Variants in USP15 observed in about 807,000 individuals in gnomAD.
The protein encoded by USP15 is ubiquitin carboxyl-terminal hydrolase 15.
A neutral mutation model predicts 127.1 loss-of-function variants in USP15; 18 were observed. The ratio of observed to expected loss-of-function variants is 0.14; its 90% CI spans 0.10 to 0.21. USP15 has a LOEUF of 0.21. USP15 is among the 10% of genes least tolerant of loss of function. The pLI is 1.00. For synonymous variants in USP15, 364 were observed against 393.7 expected (o/e 0.92, Z 0.89); for missense variants, 805 against 1,159.9 (o/e 0.69, Z 4.44).
intron 20 of USP15, 86 bp from the exon 21 acceptor site, chr12:62,401,101 T>G: frequency 2.5e-6 from 2 of 797,812 alleles, no homozygotes; most frequent in Non-Finnish European, 4.0e-6. Flanking sequence ...TAATAGATAT[T>G]CCTTATATAG....
chr12:62,294,256 G>A lies in USP15; in HGVS notation c.167G>A (p.Gly56Glu). 1 of 1,613,670 alleles carries A rather than the reference G, an allele frequency of 6.2e-7. No homozygotes were observed. The highest frequency in any genetic ancestry group is 8.5e-7 in the Non-Finnish European group (1 of 1,179,768). Residue 56 changes from glycine to glutamate, a missense_variant, in exon 2 of 22, where the codon GGA becomes GAA. Transcript: ENST00000280377. ...GACAGTTGGGACAAATACCAGATGGGAGATCAAAATGTGTATCCTGGACCC... is the reference window on the plus strand; with the variant it reads ...GACAGTTGGGACAAATACCAGATGGAAGATCAAAATGTGTATCCTGGACCC... ...GFDSWDKYQMGDQNVYPGPID... is the reference protein window; with the variant it reads ...GFDSWDKYQMEDQNVYPGPID...
intron 20 of USP15, among the ~76,000 whole-genome samples, chr12:62,397,462 C>G (rs1413922395): frequency 6.6e-6 from 1 of 152,022 alleles, no homozygotes; most frequent in Non-Finnish European, 1.5e-5. Context: ...AAAAATGTAT[C>G]CATTTCATTT....
intron 8 of USP15, among the ~76,000 whole-genome samples, chr12:62,379,849 C>G (rs1390938487): frequency 6.6e-6 from 1 of 151,932 alleles, no homozygotes; most frequent in Non-Finnish European, 1.5e-5. Context: ...GCCTGGATCT[C>G]CCTTTAGTGC....
At position 62,391,842 on chromosome 12, in the gene USP15, G is replaced by T; in HGVS notation, c.2260G>T (p.Asp754Tyr). 1 of 1,609,370 alleles carries T rather than the reference G, an allele frequency of 6.2e-7. No homozygotes were observed. The highest frequency in any genetic ancestry group is 8.5e-7 in the Non-Finnish European group (1 of 1,177,674). ...AAGATCTTTTCTTGCTTTGGATTGG[G>T]ATCCTGATTTGAAAAAAAGATATTT... is the stretch of plus-strand genomic sequence containing the variant. ...DERSFLALDWDPDLKKRYFDE... is the reference protein window; with the variant it reads ...DERSFLALDWYPDLKKRYFDE... The change falls in exon 17 of 22, where the codon GAT (aspartate) becomes TAT (tyrosine). Residue 754 changes from aspartate to tyrosine, a missense_variant. Physicochemically the swap from Asp to Tyr is radical, Grantham distance 160 (BLOSUM62 -3). Coordinates refer to ENST00000280377, the MANE Select transcript of USP15 (RefSeq NM_001252078.2).
intron 7 of USP15, among the ~76,000 whole-genome samples, chr12:62,351,379 A>C (rs896008389): frequency 3.3e-5 from 5 of 150,754 alleles, no homozygotes; most frequent in Non-Finnish European, 5.9e-5. Flanking sequence ...ATTTTTTCAT[A>C]CTAGATAAAA....
At chr12:62,317,893 G>A (rs957773308) in intron 4 of USP15, among the ~76,000 whole-genome samples, 2 of 152,210 alleles carry the variant, frequency 1.3e-5, no homozygotes, top group East Asian at 1.9e-4. Flanking sequence ...GCATGTTTAA[G>A]TAAGAGATAA....
chr12:62,384,418 C>A, intron 11 of USP15, 116 bp downstream of exon 11: 1 of 783,086 alleles, frequency 1.3e-6, no homozygotes, highest in Non-Finnish European at 1.9e-6. Context: ...ATTATCAAGC[C>A]CAATCAATAA....
At chr12:62,345,120 A>G (rs372620043) in intron 6 of USP15, among the ~76,000 whole-genome samples, 16 of 152,050 alleles carry the variant, frequency 1.1e-4, no homozygotes, top group South Asian at 2.1e-4. Context: ...TTTCTATTGC[A>G]TTGTCAGGCT....
chr12:62,283,982 C>G (rs923366093), intron 1 of USP15, among the ~76,000 whole-genome samples: 2 of 152,064 alleles, frequency 1.3e-5, no homozygotes, highest in African/African-American at 4.8e-5. Flanking sequence ...GCATCAACTA[C>G]AAGCAGTTAT....
intron 8 of USP15, among the ~76,000 whole-genome samples, chr12:62,357,080 G>A (rs560512868): frequency 2.6e-5 from 4 of 151,942 alleles, no homozygotes; most frequent in African/African-American, 9.6e-5. Flanking sequence ...AACCAATCTT[G>A]GTGCTTTTTC....
intron 7 of USP15, among the ~76,000 whole-genome samples, chr12:62,354,295 A>G (rs2066054162): frequency 6.6e-6 from 1 of 152,108 alleles, no homozygotes; most frequent in African/African-American, 2.4e-5. Flanking sequence ...AAGTAATACC[A>G]GGAATAAATT....
intron 8 of USP15, among the ~76,000 whole-genome samples, chr12:62,363,078 A>G (rs2066364799): frequency 6.6e-6 from 1 of 152,094 alleles, no homozygotes; most frequent in African/African-American, 2.4e-5. Context: ...TCATATAGGG[A>G]GAATTTAGAT....
intron 18 of USP15, 120 bp downstream of exon 18, chr12:62,392,507 A>T: frequency 4.4e-6 from 3 of 688,368 alleles, no homozygotes; most frequent in Non-Finnish European, 7.1e-6. Flanking sequence ...ATAGTAAAGG[A>T]TTCTTTATAT....
At position 62,401,371 on chromosome 12, in the gene USP15, A is replaced by G. The variant is rs1592741934; in HGVS notation, c.2763+96A>G. 7 of 865,416 alleles carry G rather than the reference A, an allele frequency of 8.1e-6. No individual in the cohort carries two copies. The East Asian group carries it at 1.7e-4, about 21-fold the overall frequency. 53.6% of individuals were successfully genotyped at this position (865,416 alleles called of 1,614,324 possible). On this transcript the variant is annotated intron_variant, in intron 21 of 21. Transcript: ENST00000280377. ...AGGGGCTCATGGAACACTGTAGTCT[A>G]TATTCTAGCAGCTTGAGTAGCTAAA... is the stretch of plus-strand genomic sequence containing the variant.
At chr12:62,401,901 CATATATATGTATATATACATATATAT>C (rs1425277330) in intron 21 of USP15, among the ~76,000 whole-genome samples, 1 of 109,268 alleles carries the variant, frequency 9.2e-6, no homozygotes, top group Non-Finnish European at 1.9e-5. Flanking sequence ...CAGATGCATA[CATATATATGTATATATACATATATAT>C]ATATATATAC....
In USP15 at chr12:62,404,592, T is replaced by C. The variant is rs2067808123; in HGVS notation, c.*217T>C. ...CTCTTAATACATTTACAGTCTTGTA[T>C]TTACAAGCTAAATATATATAGGAAA... On this transcript the variant is annotated 3_prime_UTR_variant, in exon 22 of 22. Coordinates refer to ENST00000280377, the MANE Select transcript of USP15 (RefSeq NM_001252078.2). 1 of 411,216 alleles carries C rather than the reference T, an allele frequency of 2.4e-6. No individual in the cohort carries two copies. Among genetic ancestry groups the C allele is most frequent in the East Asian group, 5.2e-5 (1 of 19,368 alleles). The allele number at this position is 411,216 out of a possible 1,614,324, so 25.5% of individuals were successfully genotyped here. A position where few individuals can be genotyped will look rare whatever the true frequency, so the allele number is the denominator to read the frequency against.
chr12:62,386,873 G>A (rs773003758), intron 11 of USP15, among the ~76,000 whole-genome samples: 11 of 152,106 alleles, frequency 7.2e-5, no homozygotes, highest in African/African-American at 1.2e-4. Context: ...ATGATCAGAC[G>A]ACAGACAAAT....
intron 8 of USP15, among the ~76,000 whole-genome samples, chr12:62,357,864 C>G (rs555120865): frequency 6.6e-6 from 1 of 152,136 alleles, no homozygotes; most frequent in South Asian, 2.1e-4. Context: ...GTAGCCTTTA[C>G]TCCTCTATTT....
rs967047304 is a variant in USP15 at position 62,414,219 on chromosome 12, A to G, written c.*9844A>G. ...ACAGTAAGCACATTCTGTTAGGAAA[A>G]TAACACCTATAGATGTGCTCAATGT... is the stretch of plus-strand genomic sequence containing the variant. On this transcript the variant is annotated 3_prime_UTR_variant, in exon 22 of 22. Transcript: ENST00000280377. 27 of 152,264 alleles carry G rather than the reference A, an allele frequency of 1.8e-4. 1 individual carries two copies. Among genetic ancestry groups the G allele is most frequent in the Non-Finnish European group, 7.3e-5 (5 of 68,046 alleles). The allele number at this position is 152,264 out of a possible 1,614,324, so 9.4% of individuals were successfully genotyped here.
Sources: gnomAD v4.1 joint callset for allele counts (sites outside exome capture counted in the v4.1 genomes callset) on GRCh38, gnomAD v4.1.1 for gene constraint, MANE v1.5 for transcripts, NCBI Gene and HGNC (gene_info 2026-07-23, HGNC 2026-07-21) for gene names.